The following YEATS4 variants were observed in gnomAD, a reference collection of about 807,000 sequenced individuals.
The protein encoded by YEATS4 is YEATS domain containing 4.
In YEATS4, 17 loss-of-function variants were observed where a neutral mutation model predicts 30.1. The observed-to-expected ratio is 0.56, with a 90% CI of 0.39 to 0.85. The LOEUF is 0.85. YEATS4 is among the 40% of genes least tolerant of loss of function. The pLI is 0.00. For synonymous variants in YEATS4, 85 were observed against 87.5 expected, an observed-to-expected ratio of 0.97 and a Z score of 0.16; for missense variants, 142 against 268.3, an observed-to-expected ratio of 0.53 and a Z score of 3.29.
chr12:69,403,243 A>C, the YEATS4 span, among the ~76,000 whole-genome samples: 353 of 152,138 alleles, frequency 2.3e-3, 3 homozygotes, highest in African/African-American at 7.9e-3. Context: ...GCCTTTGTAA[A>C]TGTTCTGAAC....
chr12:69,387,215 G>A (rs1868262403), intron 6 of YEATS4, among the ~76,000 whole-genome samples: 1 of 152,174 alleles, frequency 6.6e-6, no homozygotes, highest in South Asian at 2.1e-4. Flanking sequence ...AGGGAGAAAT[G>A]TCTCAAACAT....
the YEATS4 span, among the ~76,000 whole-genome samples, chr12:69,407,007 G>T: frequency 6.6e-6 from 1 of 151,874 alleles, no homozygotes; most frequent in Non-Finnish European, 1.5e-5. Context: ...TAGAGACAGG[G>T]TCTTGCTATA....
chr12:69,363,142 G>A lies in YEATS4; in HGVS notation c.171+235G>A, dbSNP rs542858178. On this transcript the variant is annotated intron_variant, in intron 2 of 6. Coordinates refer to ENST00000247843, the MANE Select transcript of YEATS4 (RefSeq NM_006530.4). ...CGAGTAGCTGGGACTACAGGCGCCC[G>A]CCACCACGCCCGGCTAATTTTTTGT... Among the ~76,000 whole-genome samples, 566 of 151,682 alleles carry A rather than the reference G, an allele frequency of 3.7e-3. 9 individuals carry two copies. Among genetic ancestry groups the A allele is most frequent in the African/African-American group, 0.013 (534 of 41,332 alleles).
chr12:69,371,088 G>A, intron 6 of YEATS4, 113 bp downstream of exon 6: 1 of 1,029,542 alleles, frequency 9.7e-7, no homozygotes, highest in Non-Finnish European at 1.4e-6. Flanking sequence ...AGTTTTTTAG[G>A]TGTTAAAAAA....
At chr12:69,410,905 T>A in the YEATS4 span, among the ~76,000 whole-genome samples, 1 of 152,220 alleles carries the variant, frequency 6.6e-6, no homozygotes, top group African/African-American at 2.4e-5. Context: ...GCCTCTTTTA[T>A]TGAAAAAATC....
chr12:69,396,518 A>T, the YEATS4 span, among the ~76,000 whole-genome samples: 1 of 152,218 alleles, frequency 6.6e-6, no homozygotes, highest in Admixed American at 6.5e-5. Flanking sequence ...TGTTACTGTT[A>T]TAGTCCAATC....
At chr12:69,409,445 C>T in the YEATS4 span, among the ~76,000 whole-genome samples, 26 of 152,028 alleles carry the variant, frequency 1.7e-4, no homozygotes, top group Admixed American at 6.6e-4. Context: ...GACGAAACCC[C>T]GCCTCTACCA....
chr12:69,404,479 C>G, the YEATS4 span, among the ~76,000 whole-genome samples: 1 of 152,178 alleles, frequency 6.6e-6, no homozygotes, highest in South Asian at 2.1e-4. Flanking sequence ...GGAGTGGACT[C>G]CTGATGAAAG....
chr12:69,390,122 T>G (rs369352696), intron 6 of YEATS4, 25 bp from the exon 7 acceptor site: 1 of 1,552,712 alleles, frequency 6.4e-7, no homozygotes, highest in Admixed American at 2.2e-5. Flanking sequence ...AAAAATACTT[T>G]AGTAAAAGTA....
intron 1 of YEATS4, 65 bp downstream of exon 1, chr12:69,360,088 C>CG (rs1377568729): frequency 6.4e-7 from 1 of 1,562,404 alleles, no homozygotes; most frequent in Admixed American, 1.8e-5. Context: ...CTGCGCGGCG[C>CG]GGGGAGGGCC....
chr12:69,414,536 A>C, the YEATS4 span, among the ~76,000 whole-genome samples: 1 of 152,332 alleles, frequency 6.6e-6, no homozygotes, highest in Middle Eastern at 3.4e-3. Context: ...CGAAGAGTAC[A>C]TTTCTTATTG....
chr12:69,369,293 C>G (rs1405074286), intron 4 of YEATS4, among the ~76,000 whole-genome samples: 1 of 152,106 alleles, frequency 6.6e-6, no homozygotes, highest in Non-Finnish European at 1.5e-5. Context: ...CCTTTTTCGT[C>G]CTCTTTCCAA....
At chr12:69,417,077 T>A in the YEATS4 span, among the ~76,000 whole-genome samples, 2 of 150,578 alleles carry the variant, frequency 1.3e-5, no homozygotes, top group South Asian at 4.2e-4. Flanking sequence ...CTGTCCCAAA[T>A]TTAAAAATAA....
chr12:69,376,853 C>CTT (rs1054943466), intron 6 of YEATS4, among the ~76,000 whole-genome samples: 1 of 152,140 alleles, frequency 6.6e-6, no homozygotes, highest in Non-Finnish European at 1.5e-5. Flanking sequence ...TGCTGGGAGA[C>CTT]TTTTTACTAC....
intron 4 of YEATS4, among the ~76,000 whole-genome samples, chr12:69,367,775 G>T (rs1446443259): frequency 6.6e-6 from 1 of 152,224 alleles, no homozygotes; most frequent in East Asian, 1.9e-4. Flanking sequence ...TTAGGGAAAA[G>T]AGAGCATAGA....
chr12:69,365,918 G>C (rs753459537), intron 4 of YEATS4, 34 bp downstream of exon 4: 4 of 1,442,890 alleles, frequency 2.8e-6, no homozygotes, highest in Non-Finnish European at 3.8e-6. Flanking sequence ...ATATAAAATA[G>C]ATTTCTTAGT....
At chr12:69,369,594 G>A (rs1194992444) in intron 4 of YEATS4, among the ~76,000 whole-genome samples, 1 of 152,118 alleles carries the variant, frequency 6.6e-6, no homozygotes, top group Non-Finnish European at 1.5e-5. Context: ...CTCTTAGGCA[G>A]TTTTCTTAAG....
chr12:69,406,895 G>A, the YEATS4 span, among the ~76,000 whole-genome samples: 2 of 151,944 alleles, frequency 1.3e-5, no homozygotes, highest in Non-Finnish European at 1.5e-5. Context: ...GCTCACTGCA[G>A]CCTCGACTTC....
At position 69,390,263 on chromosome 12, in the gene YEATS4, T is replaced by G; in HGVS notation, c.631T>G (p.Leu211Val). 6.3e-7 allele frequency: 1 copy of G among 1,598,610 alleles called. No individual in the cohort carries two copies. The highest frequency in any genetic ancestry group is 8.5e-7 in the Non-Finnish European group (1 of 1,176,054). Residue 211 changes from leucine (L) to valine (V), a missense_variant, in exon 7 of 7, where the codon TTA becomes GTA. Physicochemically the swap from Leu to Val is conservative, Grantham distance 32. Around this residue, in one of 3 missense-constraint regions of YEATS4, gnomAD observed 53 missense variants for 68.6 expected, o/e 0.77. Coordinates refer to ENST00000247843, the MANE Select transcript of YEATS4 (RefSeq NM_006530.4). ...LKASRETINC[L>V]KNEIRKLEED... Reference sequence around the variant, plus strand: ...AGCAAGTCGTGAAACTATAAATTGTTTAAAAAATGAAATCAGAAAACTTGA... The same window carrying G: ...AGCAAGTCGTGAAACTATAAATTGTGTAAAAAATGAAATCAGAAAACTTGA...
Sources: allele counts gnomAD v4.1 joint callset (sites outside exome capture counted in the v4.1 genomes callset), GRCh38; gene constraint gnomAD v4.1.1; regional missense constraint gnomAD v4.1.1; transcripts MANE v1.5; gene names NCBI Gene and HGNC (gene_info 2026-07-23, HGNC 2026-07-21).